Variants in PDE4D observed in about 807,000 individuals in gnomAD.
The protein encoded by PDE4D is phosphodiesterase 4D.
Under a neutral mutation model 87.4 loss-of-function variants are expected in PDE4D, and 24 were observed. The ratio of observed to expected loss-of-function variants is 0.27; its 90% CI spans 0.20 to 0.39. The LOEUF is 0.39. PDE4D is among the 10% of genes least tolerant of loss of function. The pLI is 1.00. For missense variants in PDE4D, 714 were observed against 1,041.0 expected, an observed-to-expected ratio of 0.69 and a Z score of 4.32; for synonymous variants, 384 against 383.2, an observed-to-expected ratio of 1.00 and a Z score of -0.02.
At chr5:60,078,202 G>A (rs1773526404) in intron 2 of PDE4D, among the ~76,000 whole-genome samples, 1 of 152,106 alleles carries the variant, frequency 6.6e-6, no homozygotes, top group Non-Finnish European at 1.5e-5. Context: ...TTGAAAGTTT[G>A]TGTGTTTTAG....
intron 1 of PDE4D, among the ~76,000 whole-genome samples, chr5:59,296,087 T>C (rs770620937): frequency 2.6e-5 from 4 of 151,708 alleles, no homozygotes; most frequent in Middle Eastern, 3.2e-3. Flanking sequence ...AAAAAAAAAA[T>C]CTGACTGGCC....
chr5:59,263,641 A>G (rs1356354982), intron 1 of PDE4D, among the ~76,000 whole-genome samples: 1 of 152,014 alleles, frequency 6.6e-6, no homozygotes, highest in Non-Finnish European at 1.5e-5. Context: ...CTTAAGTGAG[A>G]ATGAATGAAC....
In PDE4D at chr5:59,526,946, T is replaced by C. The variant is rs112990047; in HGVS notation, c.456-310978A>G. On this transcript the variant is annotated intron_variant, in intron 1 of 14. Coordinates refer to ENST00000340635, the MANE Select transcript of PDE4D (RefSeq NM_001104631.2). ...TGGCCAATTTTATTTCTTACTTGAC[T>C]TTTTTTGTTGGTGTAGCCATTCTCC... Among the ~76,000 whole-genome samples, 485 of 152,292 alleles carry C rather than the reference T, an allele frequency of 3.2e-3. 2 individuals carry two copies. The highest frequency in any genetic ancestry group is 0.011 in the African/African-American group (447 of 41,558).
intron 1 of PDE4D, among the ~76,000 whole-genome samples, chr5:59,582,575 T>A (rs1387395042): frequency 6.6e-6 from 1 of 152,204 alleles, no homozygotes; most frequent in Non-Finnish European, 1.5e-5. Context: ...GATTTATATC[T>A]TGCTTCATTC....
At chr5:59,348,002 T>C (rs1170308531) in intron 1 of PDE4D, among the ~76,000 whole-genome samples, 1 of 151,962 alleles carries the variant, frequency 6.6e-6, no homozygotes, top group Non-Finnish European at 1.5e-5. Context: ...CTATTTATTT[T>C]ATTTATTGTT....
intron 1 of PDE4D, among the ~76,000 whole-genome samples, chr5:59,712,172 A>G (rs1754288321): frequency 6.6e-6 from 1 of 151,832 alleles, no homozygotes; most frequent in South Asian, 2.1e-4. Context: ...ATAACATCAA[A>G]CAAAGTTATC....
chr5:59,872,006 G>C (rs960290694), intron 1 of PDE4D, among the ~76,000 whole-genome samples: 1 of 151,920 alleles, frequency 6.6e-6, no homozygotes, highest in Non-Finnish European at 1.5e-5. Flanking sequence ...TGATTTATCT[G>C]TTCATAGATT....
At chr5:59,632,446 A>G (rs298041) in intron 1 of PDE4D, among the ~76,000 whole-genome samples, 119,640 of 152,174 alleles carry the variant, frequency 0.79, 47,101 homozygotes, top group South Asian at 0.91. Context: ...GCCTCCCGAT[A>G]GGGAGATACT....
chr5:60,403,107 C>G (rs1449561167), intron 1 of PDE4D, among the ~76,000 whole-genome samples: 1 of 152,204 alleles, frequency 6.6e-6, no homozygotes, highest in East Asian at 1.9e-4. Flanking sequence ...ACAGCCAGGT[C>G]TGGAGGCCAG....
chr5:60,013,423 T>C (rs568726489), intron 2 of PDE4D, among the ~76,000 whole-genome samples: 1 of 152,168 alleles, frequency 6.6e-6, no homozygotes, highest in Non-Finnish European at 1.5e-5. Context: ...AAGTACACCA[T>C]TAAAACATAG....
intron 1 of PDE4D, among the ~76,000 whole-genome samples, chr5:59,651,279 T>C (rs917995150): frequency 2.4e-3 from 350 of 143,716 alleles, no homozygotes; most frequent in African/African-American, 8.9e-3. Context: ...ATAATAATAA[T>C]AATAATAATA....
chr5:59,829,067 T>C (rs1278592079), intron 1 of PDE4D, among the ~76,000 whole-genome samples: 2 of 152,076 alleles, frequency 1.3e-5, no homozygotes, highest in Admixed American at 1.3e-4. Flanking sequence ...GATTTACTTG[T>C]GTTGCTGATG....
At chr5:59,197,210 A>G (rs1745648918) in intron 2 of PDE4D, among the ~76,000 whole-genome samples, 1 of 152,204 alleles carries the variant, frequency 6.6e-6, no homozygotes, top group East Asian at 1.9e-4. Context: ...TATTTATTAA[A>G]ACATTTAATT....
intron 2 of PDE4D, among the ~76,000 whole-genome samples, chr5:60,102,258 A>G (rs1776294194): frequency 6.6e-6 from 1 of 151,286 alleles, no homozygotes; most frequent in Non-Finnish European, 1.5e-5. Context: ...GCTTTTTTTT[A>G]GTTTTTTTAA....
intron 1 of PDE4D, among the ~76,000 whole-genome samples, chr5:59,817,756 A>T (rs1260826445): frequency 1.6e-5 from 2 of 127,756 alleles, no homozygotes; most frequent in Non-Finnish European, 3.6e-5. Context: ...CCCCCCACAC[A>T]CACACAGAAA....
At chr5:59,113,874 A>G (rs953093095) in intron 5 of PDE4D, among the ~76,000 whole-genome samples, 13 of 152,190 alleles carry the variant, frequency 8.5e-5, no homozygotes, top group Non-Finnish European at 1.5e-5. Context: ...AGAGTGTGGC[A>G]CATAGTAAGC....
At chr5:59,651,634 G>A (rs947423477) in intron 1 of PDE4D, among the ~76,000 whole-genome samples, 1 of 151,216 alleles carries the variant, frequency 6.6e-6, no homozygotes, top group Non-Finnish European at 1.5e-5. Flanking sequence ...GACATTAAAA[G>A]AATTGCTGAG....
intron 1 of PDE4D, among the ~76,000 whole-genome samples, chr5:60,397,960 A>G (rs1762995549): frequency 6.6e-6 from 1 of 152,170 alleles, no homozygotes; most frequent in African/African-American, 2.4e-5. Context: ...CTAGGTGAGC[A>G]CTCTTACAGT....
chr5:59,401,443 A>ACCAT (rs1554161161), intron 1 of PDE4D, among the ~76,000 whole-genome samples: 1 of 127,468 alleles, frequency 7.8e-6, no homozygotes, highest in Non-Finnish European at 1.7e-5. Context: ...TATATTAGAG[A>ACCAT]CTATCTATCT....
Sources: allele counts gnomAD v4.1 joint callset (sites outside exome capture counted in the v4.1 genomes callset), GRCh38; gene constraint gnomAD v4.1.1; transcripts MANE v1.5; gene names NCBI Gene and HGNC (gene_info 2026-07-23, HGNC 2026-07-21).